CYTH3: variants seen among roughly 807,000 people sequenced by gnomAD.
CYTH3 encodes the protein cytohesin-3.
A neutral mutation model predicts 55.1 loss-of-function variants in CYTH3; 23 were observed. That is an observed-to-expected ratio of 0.42 (90% confidence interval 0.30 to 0.59). The LOEUF (loss-of-function observed/expected upper bound fraction) is 0.59. Ranked by LOEUF, CYTH3 falls within the 20% of genes least tolerant of loss-of-function variation. The pLI, the probability that CYTH3 is intolerant of heterozygous loss-of-function variation, is 0.20. For missense variants in CYTH3, 413 were observed against 524.8 expected, an observed-to-expected ratio of 0.79 and a Z score of 2.08; for synonymous variants, 249 against 194.9, an observed-to-expected ratio of 1.28 and a Z score of -2.31.
chr7:6,180,141 T>C (rs1783469929), intron 4 of CYTH3, among the ~76,000 whole-genome samples: 1 of 152,134 alleles, frequency 6.6e-6, no homozygotes, highest in Non-Finnish European at 1.5e-5. Flanking sequence ...GAGGGATCAC[T>C]AGTTGTCCTG....
chr7:6,179,635 A>C, intron 4 of CYTH3, among the ~76,000 whole-genome samples: 8 of 83,420 alleles, frequency 9.6e-5, no homozygotes, highest in South Asian at 4.7e-4. Context: ...CCCCACATAC[A>C]CCTCACACAC....
At chr7:6,214,017 G>A (rs1468083539) in intron 1 of CYTH3, among the ~76,000 whole-genome samples, 1 of 152,168 alleles carries the variant, frequency 6.6e-6, no homozygotes, top group Non-Finnish European at 1.5e-5. Flanking sequence ...AGAGGAACTA[G>A]AGCTTCTCAG....
intron 3 of CYTH3, 56 bp from the exon 4 acceptor site, chr7:6,187,172 G>A (rs1783676223): frequency 1.3e-6 from 2 of 1,544,340 alleles, no homozygotes; most frequent in Admixed American, 1.7e-5. Flanking sequence ...ATGCAGCCCA[G>A]TCACGGCCCT....
chr7:6,226,862 C>T (rs945161670), intron 1 of CYTH3, among the ~76,000 whole-genome samples: 6 of 152,028 alleles, frequency 3.9e-5, no homozygotes, highest in Non-Finnish European at 4.4e-5. Flanking sequence ...GGGCGGATCA[C>T]GAGGTCAGGA....
intron 1 of CYTH3, among the ~76,000 whole-genome samples, chr7:6,210,708 C>G (rs1784302331): frequency 6.6e-6 from 1 of 152,210 alleles, no homozygotes; most frequent in Non-Finnish European, 1.5e-5. Context: ...ATTTCATTAA[C>G]TCTGATGGAT....
At chr7:6,173,870 AT>A (rs1562878246) in intron 5 of CYTH3, 137 bp from the exon 6 acceptor site, 3 of 642,362 alleles carry the variant, frequency 4.7e-6, no homozygotes, top group Non-Finnish European at 8.5e-6. Flanking sequence ...AAACATTTGT[AT>A]TTTTTGTAGA....
chr7:6,179,581 A>C (rs1050499394), intron 4 of CYTH3, among the ~76,000 whole-genome samples: 1 of 150,024 alleles, frequency 6.7e-6, no homozygotes, highest in African/African-American at 2.5e-5. Context: ...TCTAAATTAC[A>C]AGACAGACAC....
intron 4 of CYTH3, among the ~76,000 whole-genome samples, chr7:6,181,614 A>T (rs1228316827): frequency 1.3e-5 from 2 of 152,146 alleles, no homozygotes; most frequent in Non-Finnish European, 2.9e-5. Context: ...TTCAATTTTT[A>T]TCCTGCTTGG....
intron 1 of CYTH3, among the ~76,000 whole-genome samples, chr7:6,265,857 C>T (rs1361157556): frequency 6.6e-6 from 1 of 151,942 alleles, no homozygotes; most frequent in Non-Finnish European, 1.5e-5. Flanking sequence ...AAAGATGGCA[C>T]CAAAATTTTG....
chr7:6,175,545 C>CTTTTTTTTTTTT, intron 5 of CYTH3, among the ~76,000 whole-genome samples: 1 of 89,004 alleles, frequency 1.1e-5, no homozygotes, highest in Non-Finnish European at 2.1e-5. Context: ...ACACTTTAGT[C>CTTTTTTTTTTTT]TTTTTTTTTT....
chr7:6,225,705 G>A (rs1308678812), intron 1 of CYTH3, among the ~76,000 whole-genome samples: 2 of 148,798 alleles, frequency 1.3e-5, no homozygotes, highest in African/African-American at 5.0e-5. Context: ...TGGAAATGGA[G>A]TTCCACTCTT....
chr7:6,263,562 G>A (rs944488447), intron 1 of CYTH3, among the ~76,000 whole-genome samples: 3 of 152,104 alleles, frequency 2.0e-5, no homozygotes, highest in African/African-American at 7.2e-5. Context: ...TTGGAAGGCC[G>A]AGGCAGGCGG....
chr7:6,188,136 G>A (rs1015953156), intron 2 of CYTH3, among the ~76,000 whole-genome samples: 1 of 152,000 alleles, frequency 6.6e-6, no homozygotes, highest in Non-Finnish European at 1.5e-5. Context: ...AGAACAGCCT[G>A]GGCAATGTAG....
At chr7:6,224,800 A>T (rs1779198772) in intron 1 of CYTH3, among the ~76,000 whole-genome samples, 1 of 152,256 alleles carries the variant, frequency 6.6e-6, no homozygotes, top group Non-Finnish European at 1.5e-5. Context: ...GAAGGTGGAA[A>T]CAAACCAAAT....
chr7:6,271,212 C>T (rs1780642721), intron 1 of CYTH3, among the ~76,000 whole-genome samples: 1 of 152,168 alleles, frequency 6.6e-6, no homozygotes. Flanking sequence ...ACTATAAGAA[C>T]TGAACTCGCC....
intron 1 of CYTH3, among the ~76,000 whole-genome samples, chr7:6,264,132 A>C (rs1780424663): frequency 6.6e-6 from 1 of 152,132 alleles, no homozygotes; most frequent in Non-Finnish European, 1.5e-5. Flanking sequence ...CTGTAATCCC[A>C]GCTACTCAGG....
At chr7:6,263,413 A>G (rs191392510) in intron 1 of CYTH3, among the ~76,000 whole-genome samples, 15 of 152,328 alleles carry the variant, frequency 9.8e-5, no homozygotes, top group Admixed American at 9.1e-4. Context: ...AATATACTCT[A>G]GATAAACTCA....
At chr7:6,252,734 G>A (rs1485457067) in intron 1 of CYTH3, among the ~76,000 whole-genome samples, 1 of 152,176 alleles carries the variant, frequency 6.6e-6, no homozygotes, top group Admixed American at 6.5e-5. Context: ...ATTCCTGAGA[G>A]ATTTAAGGTT....
intron 1 of CYTH3, among the ~76,000 whole-genome samples, chr7:6,255,815 G>C (rs1780088842): frequency 7.6e-6 from 1 of 131,948 alleles, no homozygotes; most frequent in Non-Finnish European, 1.5e-5. Context: ...CCAGGCTGAA[G>C]TGCAGTGGCG....
Sources: gnomAD v4.1 joint callset for allele counts (sites outside exome capture counted in the v4.1 genomes callset) on GRCh38, gnomAD v4.1.1 for gene constraint, MANE v1.5 for transcripts, NCBI Gene and HGNC (gene_info 2026-07-23, HGNC 2026-07-21) for gene names.